The following AGBL1 variants were observed in gnomAD, a reference collection of about 807,000 sequenced individuals.
AGBL1 encodes the protein AGBL carboxypeptidase 1.
Under a neutral mutation model 118.9 loss-of-function variants are expected in AGBL1, and 130 were observed. That is an observed-to-expected ratio of 1.09 (90% CI 0.95 to 1.26). The LOEUF is 1.26. AGBL1 is among the 50% of genes most tolerant of loss of function. AGBL1 has a pLI of 0.00. For missense variants in AGBL1, 1,584 were observed against 1,298.1 expected, an observed-to-expected ratio of 1.22 and a Z score of -3.38; for synonymous variants, 555 against 478.9, an observed-to-expected ratio of 1.16 and a Z score of -2.08.
intron 22 of AGBL1, among the ~76,000 whole-genome samples, chr15:86,726,849 C>T (rs958903126): frequency 6.6e-6 from 1 of 152,098 alleles, no homozygotes. Context: ...GCCACTGCAC[C>T]CAGCCAGTAC....
chr15:86,919,573 G>GACACACAC (rs376501612), downstream of AGBL1, among the ~76,000 whole-genome samples: 115 of 128,848 alleles, frequency 8.9e-4, no homozygotes, highest in Middle Eastern at 4.2e-3. Context: ...TCCCTGTTGA[G>GACACACAC]ACACACACAC....
At chr15:86,407,108 C>T (rs560689859) in intron 18 of AGBL1, among the ~76,000 whole-genome samples, 296 of 152,292 alleles carry the variant, frequency 1.9e-3, no homozygotes, top group African/African-American at 6.6e-3. Flanking sequence ...TACACATTAT[C>T]AACCTTTTCA....
At chr15:87,012,560 G>T (rs1366906220) in intron 24 of AGBL1, among the ~76,000 whole-genome samples, 1 of 152,090 alleles carries the variant, frequency 6.6e-6, no homozygotes, top group Non-Finnish European at 1.5e-5. Flanking sequence ...GAAACAGAAT[G>T]ATGGGGAATT....
chr15:86,990,396 C>T (rs1256913414), intron 24 of AGBL1, among the ~76,000 whole-genome samples: 1 of 152,084 alleles, frequency 6.6e-6, no homozygotes, highest in Non-Finnish European at 1.5e-5. Flanking sequence ...TGCTTGTAGT[C>T]CCAGCTACCT....
intron 17 of AGBL1, among the ~76,000 whole-genome samples, chr15:86,318,411 A>T (rs1196659054): frequency 2.2e-4 from 34 of 152,062 alleles, no homozygotes; most frequent in Admixed American, 2.2e-3. Flanking sequence ...TCATAAAAAA[A>T]ACTTAATTTT....
chr15:86,368,830 C>T (rs2080929142), intron 17 of AGBL1, among the ~76,000 whole-genome samples: 1 of 152,100 alleles, frequency 6.6e-6, no homozygotes, highest in Admixed American at 6.6e-5. Context: ...ATTTGTCTTT[C>T]AAAAGTGTAT....
intron 22 of AGBL1, among the ~76,000 whole-genome samples, chr15:86,900,066 T>A (rs535781316): frequency 6.6e-6 from 1 of 152,284 alleles, no homozygotes; most frequent in East Asian, 1.9e-4. Flanking sequence ...GGACTCTAAG[T>A]TCTTCAACTT....
chr15:86,461,741 T>C (rs1712520621), intron 18 of AGBL1, among the ~76,000 whole-genome samples: 1 of 152,070 alleles, frequency 6.6e-6, no homozygotes, highest in Non-Finnish European at 1.5e-5. Context: ...TTGATCAACA[T>C]TTCCTTTCAA....
intron 22 of AGBL1, among the ~76,000 whole-genome samples, chr15:86,704,074 A>G (rs984213705): frequency 8.5e-5 from 13 of 152,190 alleles, no homozygotes; most frequent in African/African-American, 3.1e-4. Context: ...TGCCAGGAAA[A>G]CTGGCTAGCC....
intron 22 of AGBL1, among the ~76,000 whole-genome samples, chr15:86,768,629 A>G (rs2078129708): frequency 1.3e-5 from 2 of 151,952 alleles, no homozygotes; most frequent in Admixed American, 6.6e-5. Context: ...CTGACAACCT[A>G]GTGATCAACT....
chr15:86,619,423 T>TTTTAAATG lies in AGBL1; in HGVS notation c.2995-54849_2995-54848insTTAAATGT, dbSNP rs2084774852. 6.6e-5 allele frequency among the ~76,000 whole-genome samples: 10 copies of TTTTAAATG among 152,314 alleles called. No individual in the cohort carries two copies. The South Asian group carries it at 2.1e-3, about 32-fold the overall frequency. On this transcript the variant is annotated intron_variant, in intron 21 of 22. Coordinates refer to ENST00000614907, the MANE Select transcript of AGBL1 (RefSeq NM_001386094.1). ...TAATGTCCTAAAACAAAATGAAAAG[T>TTTTAAATG]TCAGTGGGAAATGATAAAGTTCAGA... is the stretch of plus-strand genomic sequence containing the variant.
intron 23 of AGBL1, among the ~76,000 whole-genome samples, chr15:86,942,277 G>A (rs1014235037): frequency 6.6e-6 from 1 of 152,206 alleles, no homozygotes; most frequent in African/African-American, 2.4e-5. Flanking sequence ...GTGCTTGGAG[G>A]ACTGTGAAGT....
At chr15:86,591,503 T>C (rs2084335240) in intron 21 of AGBL1, among the ~76,000 whole-genome samples, 1 of 152,160 alleles carries the variant, frequency 6.6e-6, no homozygotes, top group Non-Finnish European at 1.5e-5. Flanking sequence ...CCTCTTTAAA[T>C]TCAGTTAACT....
chr15:86,656,081 C>G (rs942970896), intron 21 of AGBL1, among the ~76,000 whole-genome samples: 6 of 152,110 alleles, frequency 3.9e-5, no homozygotes, highest in Non-Finnish European at 8.8e-5. Context: ...AGGCCCTTTT[C>G]TGCACCTGCA....
At chr15:86,655,945 T>C (rs1351855539) in intron 21 of AGBL1, among the ~76,000 whole-genome samples, 1 of 152,188 alleles carries the variant, frequency 6.6e-6, no homozygotes, top group African/African-American at 2.4e-5. Context: ...GACAAGTTAA[T>C]TTGCCTCCCT....
chr15:86,827,408 TGTGTATATATATATATATATAC>T (rs1567194678), intron 22 of AGBL1, among the ~76,000 whole-genome samples: 10 of 7,660 alleles, frequency 1.3e-3, no homozygotes, highest in African/African-American at 8.5e-3. Flanking sequence ...CATATATATA[TGTGTATATATATATATATATAC>T]ACATATATAT....
chr15:86,487,934 G>A lies in AGBL1; in HGVS notation c.2556-34876G>A, dbSNP rs934208267. Among the ~76,000 whole-genome samples, 39 of 152,214 alleles carry A rather than the reference G, an allele frequency of 2.6e-4. No individual in the cohort carries two copies. In the East Asian group the frequency reaches 6.4e-3, roughly 25 times the overall value. ...TTTTATATCGGGGATGCTCAAACAT[G>A]TCTGGATGAGTTTCAAGTTCCCCTC... On this transcript the variant is annotated intron_variant, in intron 18 of 22. Transcript: ENST00000614907.
chr15:86,447,866 C>T, intron 18 of AGBL1, among the ~76,000 whole-genome samples: 1 of 152,130 alleles, frequency 6.6e-6, no homozygotes, highest in Non-Finnish European at 1.5e-5. Flanking sequence ...AAAACAGGGC[C>T]GGGTGCAGTG....
chr15:86,429,216 CA>C (rs1054454463), intron 18 of AGBL1, among the ~76,000 whole-genome samples: 2 of 152,180 alleles, frequency 1.3e-5, no homozygotes, highest in Non-Finnish European at 2.9e-5. Context: ...GGCAAGAAAA[CA>C]AATATGCAAT....
Sources: allele counts gnomAD v4.1 joint callset (sites outside exome capture counted in the v4.1 genomes callset), GRCh38; gene constraint gnomAD v4.1.1; transcripts MANE v1.5; gene names NCBI Gene and HGNC (gene_info 2026-07-23, HGNC 2026-07-21).